WDFY4: variants seen among roughly 807,000 people sequenced by gnomAD.
The protein encoded by WDFY4 is WDFY family member 4.
WDFY4 carries 169 observed loss-of-function variants against 351.9 expected under a neutral mutation model. The ratio of observed to expected loss-of-function variants is 0.48; its 90% CI spans 0.42 to 0.55. The LOEUF is 0.55. Ranked by LOEUF, WDFY4 falls within the 20% of genes least tolerant of loss-of-function variation. The probability of loss-of-function intolerance (pLI) is 0.00; values close to 1 mark genes in which losing one functional copy is unlikely to be tolerated. For synonymous variants in WDFY4, 1,622 were observed against 1,574.6 expected, an observed-to-expected ratio of 1.03 and a Z score of -0.71; for missense variants, 3,803 against 3,935.6, an observed-to-expected ratio of 0.97 and a Z score of 0.90.
intron 8 of WDFY4, among the ~76,000 whole-genome samples, chr10:48,729,882 C>A (rs2064398800): frequency 6.6e-6 from 1 of 152,224 alleles, no homozygotes; most frequent in South Asian, 2.1e-4. Context: ...GGCCCTAAAA[C>A]AGCCATCCAG....
At chr10:48,905,832 T>G (rs1242019726) in intron 47 of WDFY4, among the ~76,000 whole-genome samples, 1 of 152,244 alleles carries the variant, frequency 6.6e-6, no homozygotes, top group Non-Finnish European at 1.5e-5. Flanking sequence ...CAGTAAATTG[T>G]AATCCTTCTG....
At chr10:48,863,585 A>G (rs1448509545) in intron 39 of WDFY4, among the ~76,000 whole-genome samples, 1 of 152,080 alleles carries the variant, frequency 6.6e-6, no homozygotes, top group Non-Finnish European at 1.5e-5. Context: ...ATTTTTGTAT[A>G]TTCTAGATAT....
chr10:48,876,899 G>A, intron 42 of WDFY4, 134 bp from the exon 43 acceptor site: 1 of 872,944 alleles, frequency 1.1e-6, no homozygotes, highest in South Asian at 2.6e-5. Context: ...GAGGGGCACA[G>A]TGAGAGATCC....
At chr10:48,717,676 A>G (rs1166761711) in intron 2 of WDFY4, among the ~76,000 whole-genome samples, 1 of 152,250 alleles carries the variant, frequency 6.6e-6, no homozygotes, top group Non-Finnish European at 1.5e-5. Context: ...TACTTTTACA[A>G]CTTGCTTTTT....
At chr10:48,806,952 G>C (rs1012095521) in intron 27 of WDFY4, among the ~76,000 whole-genome samples, 1 of 152,192 alleles carries the variant, frequency 6.6e-6, no homozygotes, top group Admixed American at 6.5e-5. Flanking sequence ...CATCACAAAA[G>C]AGTCTCCTGG....
At chr10:48,803,639 T>C (rs2067157695) in intron 25 of WDFY4, among the ~76,000 whole-genome samples, 1 of 152,184 alleles carries the variant, frequency 6.6e-6, no homozygotes, top group South Asian at 2.1e-4. Context: ...ACTCTCCCTC[T>C]AACTGACTTC....
At chr10:48,771,998 G>A (rs1471666841) in intron 13 of WDFY4, among the ~76,000 whole-genome samples, 1 of 152,170 alleles carries the variant, frequency 6.6e-6, no homozygotes, top group Non-Finnish European at 1.5e-5. Context: ...CTTCACTTTG[G>A]TGGTCTAGAA....
chr10:48,816,364 G>A (rs557070666), intron 31 of WDFY4, among the ~76,000 whole-genome samples: 35 of 152,188 alleles, frequency 2.3e-4, no homozygotes, highest in Middle Eastern at 3.4e-3. Flanking sequence ...TTCATTTTTT[G>A]TTATGTTCTG....
chr10:48,858,032 G>T (rs1417901402), intron 39 of WDFY4, among the ~76,000 whole-genome samples: 2 of 152,164 alleles, frequency 1.3e-5, no homozygotes, highest in Non-Finnish European at 2.9e-5. Context: ...GACCTCAGGT[G>T]ATCCACCTGC....
intron 31 of WDFY4, among the ~76,000 whole-genome samples, chr10:48,816,734 A>G (rs1411386024): frequency 6.6e-6 from 1 of 152,262 alleles, no homozygotes; most frequent in Non-Finnish European, 1.5e-5. Flanking sequence ...GTAAAAATAT[A>G]AGACCAAACA....
chr10:48,936,172 C>T (rs1026174084), intron 47 of WDFY4, among the ~76,000 whole-genome samples: 2 of 151,564 alleles, frequency 1.3e-5, no homozygotes, highest in African/African-American at 4.8e-5. Context: ...ACAAAAAAAG[C>T]AAAATAAAAT....
intron 23 of WDFY4, among the ~76,000 whole-genome samples, chr10:48,795,989 C>T (rs1041413736): frequency 1.8e-4 from 27 of 151,870 alleles, no homozygotes; most frequent in African/African-American, 7.3e-5. Flanking sequence ...GGGATGGTTA[C>T]GCATGTAAAG....
chr10:48,952,303 G>A (rs778023572), intron 51 of WDFY4, among the ~76,000 whole-genome samples: 37 of 152,194 alleles, frequency 2.4e-4, no homozygotes, highest in Non-Finnish European at 4.7e-4. Context: ...CATAGGGCCA[G>A]CCTACCCAAT....
At chr10:48,786,176 G>A (rs910100810) in intron 19 of WDFY4, among the ~76,000 whole-genome samples, 2 of 152,060 alleles carry the variant, frequency 1.3e-5, no homozygotes, top group Non-Finnish European at 2.9e-5. Context: ...TGATTTTTGT[G>A]TATTGATCAT....
chr10:48,794,919 A>G (rs527546715), intron 23 of WDFY4, among the ~76,000 whole-genome samples: 1 of 152,304 alleles, frequency 6.6e-6, no homozygotes, highest in East Asian at 1.9e-4. Context: ...TGTGTTGATA[A>G]TGCTTTCTAG....
At chr10:48,924,722 T>C (rs1196547997) in intron 47 of WDFY4, among the ~76,000 whole-genome samples, 1 of 152,244 alleles carries the variant, frequency 6.6e-6, no homozygotes, top group African/African-American at 2.4e-5. Flanking sequence ...CATGGTGGGA[T>C]ACCCCATGGA....
intron 44 of WDFY4, among the ~76,000 whole-genome samples, chr10:48,893,433 G>T (rs995205257): frequency 3.3e-5 from 5 of 152,236 alleles, no homozygotes; most frequent in Admixed American, 2.0e-4. Flanking sequence ...ACAAGGCAGA[G>T]AATTTGATTA....
At chr10:48,729,405 G>A (rs1393400428) in intron 7 of WDFY4, 27 bp from the exon 8 acceptor site, 2 of 1,549,306 alleles carry the variant, frequency 1.3e-6, no homozygotes, top group South Asian at 2.4e-5. Flanking sequence ...AGGAAGTACA[G>A]GGAGCTGGCC....
At chr10:48,801,478 G>C (rs1240735874) in intron 24 of WDFY4, 3 of 456,100 alleles carry the variant, frequency 6.6e-6, no homozygotes, top group African/African-American at 6.0e-5. Context: ...AATATCCTAA[G>C]TGTGCAGGGC....
Sources: gnomAD v4.1 joint callset for allele counts (sites outside exome capture counted in the v4.1 genomes callset) on GRCh38, gnomAD v4.1.1 for gene constraint, MANE v1.5 for transcripts, NCBI Gene and HGNC (gene_info 2026-07-23, HGNC 2026-07-21) for gene names.